The following TF variants were observed in gnomAD, a reference collection of about 807,000 sequenced individuals.
The protein encoded by TF is transferrin.
Under a neutral mutation model 82.4 loss-of-function variants are expected in TF, and 55 were observed. The observed-to-expected ratio is 0.67, with a 90% CI of 0.54 to 0.84. The LOEUF is 0.84. Ranked by LOEUF, TF falls within the 40% of genes least tolerant of loss-of-function variation. The pLI is 0.00. For synonymous variants in TF, 332 were observed against 332.6 expected, an observed-to-expected ratio of 1.00 and a Z score of 0.02; for missense variants, 737 against 868.4, an observed-to-expected ratio of 0.85 and a Z score of 1.90.
chr3:133,793,107 C>T lies in TF; in HGVS notation c.*14487C>T, dbSNP rs918659108. ...GGCTTTCTCTCTTGAACAAGATTTTCATGCAGTATTAAAAGATAATGAAAG... is the reference window on the plus strand; with the variant it reads ...GGCTTTCTCTCTTGAACAAGATTTTTATGCAGTATTAAAAGATAATGAAAG... On this transcript the variant is annotated 3_prime_UTR_variant, in exon 17 of 17. Coordinates refer to ENST00000402696, the MANE Select transcript of TF (RefSeq NM_001063.4). The T allele has an allele frequency of 6.6e-6, 1 of 152,034 alleles. No homozygotes were observed. Among genetic ancestry groups the T allele is most frequent in the Non-Finnish European group, 1.5e-5 (1 of 67,984 alleles). The allele number at this position is 152,034 out of a possible 1,614,324, so 9.4% of individuals were successfully genotyped here.
At chr3:133,778,488 C>T (rs1246188581) in intron 16 of TF, 98 bp from the exon 17 acceptor site, 1 of 1,364,936 alleles carries the variant, frequency 7.3e-7, no homozygotes, top group African/African-American at 1.4e-5. Context: ...AGCAAGTCTG[C>T]ACACTTTGTA....
the TF span, among the ~76,000 whole-genome samples, chr3:133,735,734 A>G: frequency 6.6e-6 from 1 of 152,230 alleles, no homozygotes; most frequent in South Asian, 2.1e-4. Context: ...AATGAAATAA[A>G]GCATGAAGAC....
chr3:133,691,880 G>A, the TF span: 1 of 153,180 alleles, frequency 6.5e-6, no homozygotes, highest in Non-Finnish European at 1.5e-5. Context: ...CTGCAGCAAT[G>A]ATGGGTGTGG....
At position 133,764,282 on chromosome 3, in the gene TF, G is replaced by A. The variant is rs1934069818; in HGVS notation, c.1297+7G>A. On this transcript the variant is annotated splice_region_variant and intron_variant, in intron 10 of 16. Transcript: ENST00000402696. ...TTGGCAGAAAACTACAATAGTAAGT[G>A]GTGGGGAGCACCTCTCTGTGTTTTC... is the stretch of plus-strand genomic sequence containing the variant. 3.1e-6 allele frequency: 5 copies of A among 1,610,386 alleles called. No homozygotes were observed. The highest frequency in any genetic ancestry group is 4.2e-6 in the Non-Finnish European group (5 of 1,176,770).
At chr3:133,671,780 G>A in the TF span, among the ~76,000 whole-genome samples, 4 of 144,224 alleles carry the variant, frequency 2.8e-5, no homozygotes, top group Admixed American at 2.8e-4. Flanking sequence ...GCGATAGAGT[G>A]AGACTCTGTC....
chr3:133,699,783 A>G, the TF span: 9 of 355,814 alleles, frequency 2.5e-5, 1 homozygote, highest in South Asian at 1.8e-4. Flanking sequence ...CAAGCCGCTC[A>G]GTCTATATGT....
intron 2 of TF, among the ~76,000 whole-genome samples, chr3:133,750,377 AG>A (rs1559867763): frequency 6.6e-6 from 1 of 152,178 alleles, no homozygotes; most frequent in Non-Finnish European, 1.5e-5. Context: ...GCACAAAGCA[AG>A]CAGTAGGTTA....
At chr3:133,703,584 A>G in the TF span, among the ~76,000 whole-genome samples, 4 of 152,196 alleles carry the variant, frequency 2.6e-5, no homozygotes, top group Non-Finnish European at 4.4e-5. Context: ...AAGGCTTGGT[A>G]AGTTTTTGCT....
chr3:133,748,913 A>G (rs917261043), intron 2 of TF, among the ~76,000 whole-genome samples: 1 of 152,116 alleles, frequency 6.6e-6, no homozygotes, highest in African/African-American at 2.4e-5. Context: ...AAATCCTAGC[A>G]CTTTGGGAGG....
chr3:133,667,111 G>A, the TF span, among the ~76,000 whole-genome samples: 6 of 152,280 alleles, frequency 3.9e-5, no homozygotes, highest in East Asian at 1.9e-4. Context: ...GGAAGGCTGA[G>A]GCAGGAGAAT....
chr3:133,663,799 G>A, the TF span, among the ~76,000 whole-genome samples: 3 of 152,088 alleles, frequency 2.0e-5, no homozygotes, highest in Non-Finnish European at 4.4e-5. Flanking sequence ...GGCATTTCTG[G>A]GCCAAGTAGA....
rs1441537886 is a variant in TF at position 133,783,918 on chromosome 3, G to A, written c.*5298G>A. On this transcript the variant is annotated 3_prime_UTR_variant, in exon 17 of 17. Coordinates refer to ENST00000402696, the MANE Select transcript of TF (RefSeq NM_001063.4). ...TGAGCCGCCTGGACGCAGCGCCCCT[G>A]GGTGGCGGCAGGTATAGCAGGGCGG... 6.6e-6 allele frequency: 1 copy of A among 152,334 alleles called. No homozygotes were observed. The highest frequency in any genetic ancestry group is 2.4e-5 in the African/African-American group (1 of 41,476). 9.4% of individuals were successfully genotyped at this position (152,334 alleles called of 1,614,324 possible).
chr3:133,704,223 G>C, the TF span: 1 of 224,366 alleles, frequency 4.5e-6, no homozygotes. Flanking sequence ...CTTAACTTCA[G>C]AAAGGGGAAG....
upstream of TF, among the ~76,000 whole-genome samples, chr3:133,743,868 G>T (rs1473353317): frequency 1.3e-5 from 2 of 152,134 alleles, no homozygotes; most frequent in Non-Finnish European, 2.9e-5. Context: ...ACCCCATACA[G>T]CTAGGGCCAT....
chr3:133,679,569 C>CTTTTTTTTTTTTTTTTTTTTTTTTT, the TF span, among the ~76,000 whole-genome samples: 3 of 75,388 alleles, frequency 4.0e-5, 1 homozygote, highest in African/African-American at 1.1e-4. Flanking sequence ...CTTTGTTTGG[C>CTTTTTTTTTTTTTTTTTTTTTTTTT]TTTTTTTTTT....
intron 2 of TF, among the ~76,000 whole-genome samples, chr3:133,750,506 C>G (rs1933630524): frequency 6.6e-6 from 1 of 152,164 alleles, no homozygotes; most frequent in African/African-American, 2.4e-5. Context: ...AGCCTTCTCT[C>G]TGTAGCTTTC....
chr3:133,685,420 G>T, the TF span, among the ~76,000 whole-genome samples: 8 of 152,114 alleles, frequency 5.3e-5, no homozygotes, highest in Non-Finnish European at 1.0e-4. Flanking sequence ...TTCTCCCTGT[G>T]GGCAGATGAT....
At chr3:133,774,794 A>G (rs550822536) in intron 14 of TF, 2 of 194,082 alleles carry the variant, frequency 1.0e-5, no homozygotes, top group Non-Finnish European at 2.2e-5. Context: ...GGAGAGAAAT[A>G]AAAATTAGCA....
rs963355356 is a variant in TF, at chr3:133,784,010, C to T, written c.*5390C>T. ...GGTGCAGAGGGCCAGGAAAGCTGGTCTGCGCGCGGCTCAGCTGCCTCCGTA... is the reference window on the plus strand; with the variant it reads ...GGTGCAGAGGGCCAGGAAAGCTGGTTTGCGCGCGGCTCAGCTGCCTCCGTA... On this transcript the variant is annotated 3_prime_UTR_variant, in exon 17 of 17. Transcript: ENST00000402696. The T allele has an allele frequency of 2.0e-5, 3 of 152,428 alleles. No homozygotes were observed. The highest frequency in any genetic ancestry group is 4.4e-5 in the Non-Finnish European group (3 of 68,212). The allele number at this position is 152,428 out of a possible 1,614,324, so 9.4% of individuals were successfully genotyped here. A position where few individuals can be genotyped will look rare whatever the true frequency, so the allele number is the denominator to read the frequency against.
Sources: allele counts gnomAD v4.1 joint callset (sites outside exome capture counted in the v4.1 genomes callset), GRCh38; gene constraint gnomAD v4.1.1; transcripts MANE v1.5; gene names NCBI Gene and HGNC (gene_info 2026-07-23, HGNC 2026-07-21).